Variants in PRKG1 observed in about 807,000 individuals in gnomAD.
The protein encoded by PRKG1 is protein kinase cGMP-dependent 1.
Under a neutral mutation model 88.1 loss-of-function variants are expected in PRKG1, and 35 were observed. The ratio of observed to expected loss-of-function variants is 0.40; its 90% CI spans 0.30 to 0.53. The LOEUF (loss-of-function observed/expected upper bound fraction) is 0.53. PRKG1 is among the 20% of genes least tolerant of loss of function. PRKG1 has a pLI of 0.59. For synonymous variants in PRKG1, 303 were observed against 292.5 expected, an observed-to-expected ratio of 1.04 and a Z score of -0.37; for missense variants, 540 against 839.8, an observed-to-expected ratio of 0.64 and a Z score of 4.41.
intron 4 of PRKG1, among the ~76,000 whole-genome samples, chr10:51,867,075 C>T (rs1421588959): frequency 6.6e-6 from 1 of 152,120 alleles, no homozygotes; most frequent in Non-Finnish European, 1.5e-5. Flanking sequence ...ATACACCATA[C>T]ACTTGTGTTC....
intron 5 of PRKG1, among the ~76,000 whole-genome samples, chr10:51,935,501 A>G (rs1232348348): frequency 6.6e-6 from 1 of 152,118 alleles, no homozygotes; most frequent in Non-Finnish European, 1.5e-5. Context: ...GAAGATAAAA[A>G]TGTTTTAACC....
chr10:51,556,826 G>A (rs1016876924), intron 3 of PRKG1, among the ~76,000 whole-genome samples: 3 of 151,922 alleles, frequency 2.0e-5, no homozygotes, highest in South Asian at 4.1e-4. Flanking sequence ...TCAGTGTCAC[G>A]CAATATACCC....
At chr10:51,865,903 T>C (rs1841002691) in intron 4 of PRKG1, among the ~76,000 whole-genome samples, 1 of 152,022 alleles carries the variant, frequency 6.6e-6, no homozygotes, top group South Asian at 2.1e-4. Context: ...TATAAGAATA[T>C]GGAACATAAA....
chr10:51,656,363 C>T (rs1840160702), intron 3 of PRKG1, among the ~76,000 whole-genome samples: 2 of 152,058 alleles, frequency 1.3e-5, no homozygotes, highest in African/African-American at 2.4e-5. Context: ...CACACTTGGT[C>T]GTGCTCTCTG....
At chr10:52,140,223 T>A (rs975040167) in intron 8 of PRKG1, among the ~76,000 whole-genome samples, 4 of 152,194 alleles carry the variant, frequency 2.6e-5, no homozygotes, top group Admixed American at 2.6e-4. Flanking sequence ...GGGCTATCCG[T>A]AGTTGTCCTG....
chr10:52,210,446 T>C (rs1839938882), intron 9 of PRKG1, among the ~76,000 whole-genome samples: 2 of 152,102 alleles, frequency 1.3e-5, no homozygotes, highest in Admixed American at 1.3e-4. Flanking sequence ...ATTTAAAAAA[T>C]ATTTTCCACA....
chr10:51,016,592 T>G (rs985208684), intron 1 of PRKG1, among the ~76,000 whole-genome samples: 4 of 151,564 alleles, frequency 2.6e-5, no homozygotes, highest in Non-Finnish European at 5.9e-5. Context: ...TATAAGGCAT[T>G]ACAGTTTATA....
intron 3 of PRKG1, among the ~76,000 whole-genome samples, chr10:51,580,103 T>A (rs1398255304): frequency 1.3e-5 from 2 of 152,124 alleles, no homozygotes; most frequent in Non-Finnish European, 2.9e-5. Flanking sequence ...AAATATAGTG[T>A]TTGTGAGTGT....
chr10:51,633,285 G>GA lies in PRKG1; in HGVS notation c.592+165456dup, dbSNP rs543578081. ...TAACTTCCTACTTTCTATACTAAAA[G>GA]AAAAAAATAGATTAGTAATATTGTT... is the stretch of plus-strand genomic sequence containing the variant. On this transcript the variant is annotated intron_variant, in intron 3 of 17. Transcript: ENST00000373980. Among the ~76,000 whole-genome samples the GA allele has an allele frequency of 5.7e-3, 862 of 151,782 alleles. 9 individuals are homozygous for GA. The highest frequency in any genetic ancestry group is 0.02 in the African/African-American group (829 of 41,400).
intron 1 of PRKG1, among the ~76,000 whole-genome samples, chr10:50,999,851 G>A (rs758396357): frequency 1.3e-5 from 2 of 152,148 alleles, no homozygotes; most frequent in Non-Finnish European, 2.9e-5. Context: ...ATCTCAGGTT[G>A]TAAACCCTTG....
At chr10:51,648,258 G>A (rs535201528) in intron 3 of PRKG1, among the ~76,000 whole-genome samples, 1 of 152,274 alleles carries the variant, frequency 6.6e-6, no homozygotes, top group African/African-American at 2.4e-5. Context: ...ATAATGAGAT[G>A]AGATGCACAT....
At chr10:51,081,864 C>T (rs921141493) in intron 1 of PRKG1, among the ~76,000 whole-genome samples, 3 of 152,194 alleles carry the variant, frequency 2.0e-5, no homozygotes, top group African/African-American at 7.2e-5. Flanking sequence ...TCAAGTGATC[C>T]TCTTGCCTCA....
intron 5 of PRKG1, among the ~76,000 whole-genome samples, chr10:51,926,021 C>A (rs1314320700): frequency 1.3e-5 from 2 of 152,108 alleles, no homozygotes; most frequent in African/African-American, 4.8e-5. Context: ...TTAGCTCTTA[C>A]TGTTATTTAT....
intron 4 of PRKG1, among the ~76,000 whole-genome samples, chr10:51,841,058 C>T (rs1840263196): frequency 6.6e-6 from 1 of 152,134 alleles, no homozygotes; most frequent in Admixed American, 6.5e-5. Context: ...GTCATATAGC[C>T]ATTTTGTACC....
At chr10:51,743,466 G>A (rs1363486400) in intron 3 of PRKG1, among the ~76,000 whole-genome samples, 1 of 151,540 alleles carries the variant, frequency 6.6e-6, no homozygotes, top group Admixed American at 6.6e-5. Flanking sequence ...TCCCCAGGAG[G>A]AAGCCAGCGA....
chr10:51,183,048 G>GA (rs935498361), intron 2 of PRKG1, among the ~76,000 whole-genome samples: 1 of 151,930 alleles, frequency 6.6e-6, no homozygotes, highest in African/African-American at 2.4e-5. Context: ...AATCTGGTAA[G>GA]AAAAAAAGAC....
chr10:51,394,423 G>A (rs1837523617), intron 2 of PRKG1, among the ~76,000 whole-genome samples: 1 of 152,194 alleles, frequency 6.6e-6, no homozygotes, highest in Non-Finnish European at 1.5e-5. Context: ...GGAAGAATCA[G>A]AAATGCCTAT....
At chr10:51,510,744 ATT>A (rs71459420) in intron 3 of PRKG1, among the ~76,000 whole-genome samples, 92 of 134,132 alleles carry the variant, frequency 6.9e-4, no homozygotes, top group East Asian at 2.7e-3. Context: ...GCATTGTACT[ATT>A]TTTTTTTTTT....
intron 1 of PRKG1, among the ~76,000 whole-genome samples, chr10:51,039,402 G>T (rs774440781): frequency 1.3e-5 from 2 of 152,118 alleles, no homozygotes; most frequent in Non-Finnish European, 1.5e-5. Context: ...TGTCTCTTCA[G>T]ATCTTTTGCT....
Sources: allele counts gnomAD v4.1 joint callset (sites outside exome capture counted in the v4.1 genomes callset), GRCh38; gene constraint gnomAD v4.1.1; transcripts MANE v1.5; gene names NCBI Gene and HGNC (gene_info 2026-07-23, HGNC 2026-07-21).